Variants in DNAH12 observed in about 807,000 individuals in gnomAD.
DNAH12 encodes the protein axonemal beta dynein heavy chain 12.
DNAH12 carries 285 observed loss-of-function variants against 371.5 expected under a neutral mutation model. The ratio of observed to expected loss-of-function variants is 0.77; its 90% CI spans 0.70 to 0.85. The LOEUF is 0.85. Among genes scored for constraint, DNAH12 ranks in the 40% least tolerant of loss-of-function variants. The probability of loss-of-function intolerance (pLI) is 0.00; values close to 1 mark genes in which losing one functional copy is unlikely to be tolerated. For missense variants in DNAH12, 3,611 were observed against 3,689.4 expected, an observed-to-expected ratio of 0.98 and a Z score of 0.55; for synonymous variants, 1,200 against 1,213.0, an observed-to-expected ratio of 0.99 and a Z score of 0.22.
Position 57,540,336 on chromosome 3 carries a change from C to A in DNAH12, c.170+2365G>T, listed in dbSNP as rs188750960. On this transcript the variant is annotated intron_variant, in intron 2 of 73. Transcript: ENST00000495027. ...AAAGTGCTGGGATTACAGGTGTAAG[C>A]CACCGTCTGTTGTGTTTTCTATGGT... Among the ~76,000 whole-genome samples, 541 of 152,264 alleles carry A rather than the reference C, an allele frequency of 3.6e-3. 2 individuals are homozygous for A. Among genetic ancestry groups the A allele is most frequent in the Non-Finnish European group, 6.2e-3 (422 of 68,032 alleles).
At chr3:57,341,615 A>C (rs114916412) in intron 60 of DNAH12, among the ~76,000 whole-genome samples, 3,597 of 152,252 alleles carry the variant, frequency 0.024, 64 homozygotes, top group Admixed American at 0.035. Context: ...ATTGAAGAAG[A>C]CATCAAAAAA....
At chr3:57,426,999 A>G (rs981217900) in intron 34 of DNAH12, among the ~76,000 whole-genome samples, 4 of 152,162 alleles carry the variant, frequency 2.6e-5, no homozygotes, top group African/African-American at 9.7e-5. Context: ...AAGACACTAT[A>G]CAGAATCTTC....
At chr3:57,451,936 G>A (rs892925340) in intron 25 of DNAH12, among the ~76,000 whole-genome samples, 3 of 152,186 alleles carry the variant, frequency 2.0e-5, no homozygotes, top group Non-Finnish European at 4.4e-5. Flanking sequence ...GTATGTCAAT[G>A]TATAAAAGTC....
intron 2 of DNAH12, among the ~76,000 whole-genome samples, chr3:57,532,781 T>C (rs1484845239): frequency 6.6e-6 from 1 of 152,188 alleles, no homozygotes; most frequent in African/African-American, 2.4e-5. Context: ...CTAGGTCAGA[T>C]CTGAAGCCAG....
intron 44 of DNAH12, among the ~76,000 whole-genome samples, chr3:57,393,919 G>A (rs2063685251): frequency 6.6e-6 from 1 of 152,068 alleles, no homozygotes; most frequent in Non-Finnish European, 1.5e-5. Context: ...CATAAAACAT[G>A]CTAAATAACA....
At position 57,386,466 on chromosome 3, in the gene DNAH12, T is replaced by C. The variant is rs1425117108; in HGVS notation, c.7577A>G (p.Asp2526Gly). 1.3e-5 allele frequency: 2 copies of C among 152,224 alleles called. No individual in the cohort carries two copies. The highest frequency in any genetic ancestry group is 2.4e-5 in the African/African-American group (1 of 41,460). 9.4% of individuals were successfully genotyped at this position (152,224 alleles called of 1,614,324 possible). A position where few individuals can be genotyped will look rare whatever the true frequency, so the allele number is the denominator to read the frequency against. Residue 2526 changes from aspartate (D) to glycine (G), a missense_variant, in exon 47 of 74, where the codon GAC (aspartate) becomes GGC (glycine). By Grantham distance (94) the Asp-to-Gly change is moderately conservative. Around this residue, in one of 3 missense-constraint regions of DNAH12, gnomAD observed 2,266 missense variants for 2,236.9 expected, o/e 1.01. Transcript: ENST00000495027. ...EAKQRYMNGL[D>G]KLAFAESQVG... ...CTGAGACTCAGCAAAAGCTAATTTG[T>C]CAAGCCCATTCATGTATCGTTGTTT...
intron 32 of DNAH12, 74 bp downstream of exon 32, chr3:57,433,293 T>C: frequency 1.4e-6 from 2 of 1,450,278 alleles, no homozygotes; most frequent in Non-Finnish European, 1.8e-6. Flanking sequence ...TTAAATAGAG[T>C]CCTAGTTTAG....
chr3:57,502,285 G>A (rs2067577514), intron 10 of DNAH12, 38 bp downstream of exon 10: 2 of 1,605,302 alleles, frequency 1.2e-6, no homozygotes, highest in East Asian at 4.5e-5. Flanking sequence ...CAAATAAAGT[G>A]ATGACAAATG....
intron 49 of DNAH12, among the ~76,000 whole-genome samples, chr3:57,383,988 C>G (rs1575527958): frequency 6.6e-6 from 1 of 151,988 alleles, no homozygotes; most frequent in Admixed American, 6.6e-5. Flanking sequence ...TCTTGTCAGG[C>G]CTGTTACATG....
At chr3:57,306,796 C>T (rs2061481382) in intron 69 of DNAH12, among the ~76,000 whole-genome samples, 1 of 152,156 alleles carries the variant, frequency 6.6e-6, no homozygotes, top group African/African-American at 2.4e-5. Context: ...TAAAACCAGA[C>T]AAGGCTTACA....
intron 11 of DNAH12, among the ~76,000 whole-genome samples, chr3:57,500,163 C>CCA (rs1553711834): frequency 6.6e-6 from 1 of 151,804 alleles, no homozygotes; most frequent in African/African-American, 2.4e-5. Context: ...CCTCAGCCCC[C>CCA]CCTAGTAGCT....
intron 69 of DNAH12, among the ~76,000 whole-genome samples, chr3:57,307,975 T>C (rs2061506902): frequency 1.3e-5 from 2 of 152,230 alleles, no homozygotes; most frequent in South Asian, 4.1e-4. Flanking sequence ...CGTGGAACTC[T>C]ATCCTCAAGG....
intron 26 of DNAH12, 127 bp from the exon 27 acceptor site, chr3:57,446,397 A>C (rs1381220082): frequency 4.2e-6 from 6 of 1,419,492 alleles, no homozygotes; most frequent in Non-Finnish European, 5.6e-6. Context: ...GATAAAAACA[A>C]TGTCTTTACT....
At chr3:57,478,300 G>A (rs6445895) in intron 13 of DNAH12, among the ~76,000 whole-genome samples, 101,648 of 152,020 alleles carry the variant, frequency 0.67, 34,238 homozygotes, top group South Asian at 0.75. Context: ...TAGCCGATTC[G>A]ATCAACTGGA....
At chr3:57,365,348 T>G (rs1174486642) in intron 57 of DNAH12, among the ~76,000 whole-genome samples, 1 of 152,114 alleles carries the variant, frequency 6.6e-6, no homozygotes, top group East Asian at 1.9e-4. Context: ...ATCAGCAAAC[T>G]AACACAAAAA....
chr3:57,332,559 A>G (rs2062124546), intron 62 of DNAH12, among the ~76,000 whole-genome samples: 1 of 152,212 alleles, frequency 6.6e-6, no homozygotes, highest in African/African-American at 2.4e-5. Context: ...TGGAACAGCG[A>G]GAGTGATTAA....
At chr3:57,422,016 G>T (rs7621086) in intron 35 of DNAH12, among the ~76,000 whole-genome samples, 132,423 of 150,384 alleles carry the variant, frequency 0.88, 58,722 homozygotes, top group African/African-American at 0.93. Flanking sequence ...AGGTGATTCT[G>T]GTGTCTCAGC....
chr3:57,406,372 GA>G (rs1303647224), intron 40 of DNAH12, among the ~76,000 whole-genome samples: 8 of 119,404 alleles, frequency 6.7e-5, no homozygotes, highest in Admixed American at 1.7e-4. Context: ...AAAAAAAAAA[GA>G]AAAAAAAAGA....
At chr3:57,354,895 C>T (rs1438744386) in intron 59 of DNAH12, among the ~76,000 whole-genome samples, 11 of 152,120 alleles carry the variant, frequency 7.2e-5, no homozygotes, top group African/African-American at 1.9e-4. Flanking sequence ...CCATATGATT[C>T]TATTTATATA....
Sources: allele counts gnomAD v4.1 joint callset (sites outside exome capture counted in the v4.1 genomes callset), GRCh38; gene constraint gnomAD v4.1.1; regional missense constraint gnomAD v4.1.1; transcripts MANE v1.5; gene names NCBI Gene and HGNC (gene_info 2026-07-23, HGNC 2026-07-21).